PRMT8: variants seen among roughly 807,000 people sequenced by gnomAD.
The protein encoded by PRMT8 is protein arginine N-methyltransferase 8.
In PRMT8, 7 loss-of-function variants were observed where a neutral mutation model predicts 47.1. That is an observed-to-expected ratio of 0.15 (90% CI 0.08 to 0.28). PRMT8 has a LOEUF of 0.28. PRMT8 is among the 10% of genes least tolerant of loss of function. The pLI is 1.00. For synonymous variants in PRMT8, 188 were observed against 186.5 expected, an observed-to-expected ratio of 1.01 and a Z score of -0.07; for missense variants, 237 against 505.4, an observed-to-expected ratio of 0.47 and a Z score of 5.09.
Position 3,538,846 on chromosome 12 carries a change from C to T in PRMT8, c.76-1760C>T. On this transcript the variant is annotated intron_variant, in intron 1 of 9. Transcript: ENST00000382622. This position sits in a 1 kb window ranked among gnomAD's most constrained non-coding sequence, Gnocchi z 4.6. ...AGGCAGCCCCACTCGCCTTTGCCAGCCCGCCCGGGATCTCACCGACGTGAA... is the reference window on the plus strand; with the variant it reads ...AGGCAGCCCCACTCGCCTTTGCCAGTCCGCCCGGGATCTCACCGACGTGAA... 1 of 463,256 alleles carries T rather than the reference C, an allele frequency of 2.2e-6. No individual in the cohort carries two copies. Among genetic ancestry groups the T allele is most frequent in the South Asian group, 1.6e-5 (1 of 63,688 alleles). 28.7% of individuals were successfully genotyped at this position (463,256 alleles called of 1,614,324 possible).
upstream of PRMT8, among the ~76,000 whole-genome samples, chr12:3,489,883 C>A (rs1361503901): frequency 6.6e-6 from 1 of 151,888 alleles, no homozygotes; most frequent in Non-Finnish European, 1.5e-5. Context: ...ACATTTTCAT[C>A]CTTCTCATTC....
chr12:3,421,845 C>G (rs558754835), intron 1 of PRMT8, among the ~76,000 whole-genome samples: 1 of 152,218 alleles, frequency 6.6e-6, no homozygotes, highest in Admixed American at 6.5e-5. Context: ...CCATGAGCAA[C>G]GGGATGGAGG....
At chr12:3,403,117 A>G (rs899406038) in intron 1 of PRMT8, among the ~76,000 whole-genome samples, 5 of 152,240 alleles carry the variant, frequency 3.3e-5, no homozygotes, top group Admixed American at 6.5e-5. Context: ...CAGATACACC[A>G]TGGAATACTA....
intron 1 of PRMT8, among the ~76,000 whole-genome samples, chr12:3,527,972 C>T (rs1284772396): frequency 6.6e-6 from 1 of 152,076 alleles, no homozygotes; most frequent in East Asian, 1.9e-4. Flanking sequence ...ATGTTGCTAC[C>T]TTATCTTCTA....
At chr12:3,469,768 A>C (rs746997437) in intron 1 of PRMT8, among the ~76,000 whole-genome samples, 19 of 152,194 alleles carry the variant, frequency 1.2e-4, no homozygotes, top group Non-Finnish European at 2.6e-4. Context: ...AGGATCTGGC[A>C]AGTTCATAGC....
chr12:3,418,857 G>C (rs1028541624), intron 1 of PRMT8, among the ~76,000 whole-genome samples: 8 of 152,182 alleles, frequency 5.3e-5, no homozygotes, highest in Admixed American at 1.3e-4. Context: ...TGGGGAACAG[G>C]TGTGCAGAAA....
intron 1 of PRMT8, among the ~76,000 whole-genome samples, chr12:3,458,830 C>G (rs1865005147): frequency 6.6e-6 from 1 of 152,240 alleles, no homozygotes; most frequent in East Asian, 1.9e-4. Flanking sequence ...AGGGCTGTCA[C>G]TAAGCCCCTC....
intron 1 of PRMT8, among the ~76,000 whole-genome samples, chr12:3,536,411 C>G (rs1043196274): frequency 2.0e-5 from 3 of 152,202 alleles, no homozygotes; most frequent in Non-Finnish European, 4.4e-5. Flanking sequence ...ACGGCAGACA[C>G]TTCATAAGCT....
intron 1 of PRMT8, among the ~76,000 whole-genome samples, chr12:3,494,577 G>T (rs1282722798): frequency 6.6e-6 from 1 of 152,178 alleles, no homozygotes; most frequent in Non-Finnish European, 1.5e-5. Context: ...GAATACTTTG[G>T]AAGGGAGAGA....
At chr12:3,460,571 T>C (rs1042391265) in intron 1 of PRMT8, among the ~76,000 whole-genome samples, 2 of 152,182 alleles carry the variant, frequency 1.3e-5, no homozygotes, top group South Asian at 4.1e-4. Flanking sequence ...AATGGCAGAA[T>C]GGGATGTGGG....
chr12:3,469,891 G>A (rs967345693), intron 1 of PRMT8, among the ~76,000 whole-genome samples: 4 of 152,046 alleles, frequency 2.6e-5, no homozygotes, highest in Non-Finnish European at 2.9e-5. Flanking sequence ...GTGGGCTTCT[G>A]TCAGTGCCAC....
intron 2 of PRMT8, among the ~76,000 whole-genome samples, chr12:3,549,295 T>TA (rs1158746216): frequency 6.6e-6 from 1 of 151,534 alleles, no homozygotes; most frequent in African/African-American, 2.4e-5. Context: ...TGTTGATTTC[T>TA]AAAAAAAAAT....
intron 1 of PRMT8, among the ~76,000 whole-genome samples, chr12:3,391,470 G>A (rs1159364914): frequency 6.6e-6 from 1 of 152,258 alleles, no homozygotes; most frequent in Non-Finnish European, 1.5e-5. Flanking sequence ...ATCACTCTGT[G>A]TGTGGGACGA....
intron 2 of PRMT8, among the ~76,000 whole-genome samples, chr12:3,546,513 C>A (rs901041720): frequency 2.6e-5 from 4 of 152,168 alleles, no homozygotes; most frequent in African/African-American, 9.7e-5. Context: ...GACGATCACA[C>A]AGATACTCAA....
At chr12:3,435,506 T>C (rs1373421646) in intron 1 of PRMT8, among the ~76,000 whole-genome samples, 1 of 151,980 alleles carries the variant, frequency 6.6e-6, no homozygotes, top group Non-Finnish European at 1.5e-5. Context: ...GTCATGTTTT[T>C]TTTTTTCTTC....
intron 1 of PRMT8, among the ~76,000 whole-genome samples, chr12:3,431,324 C>T (rs1006371218): frequency 2.6e-5 from 4 of 151,898 alleles, no homozygotes; most frequent in African/African-American, 9.7e-5. Flanking sequence ...AGATCAGTAG[C>T]AGAGAGGGCA....
At chr12:3,411,945 C>T (rs1864435501) in intron 1 of PRMT8, among the ~76,000 whole-genome samples, 1 of 152,222 alleles carries the variant, frequency 6.6e-6, no homozygotes, top group Non-Finnish European at 1.5e-5. Flanking sequence ...TACAGTCAGC[C>T]CTCCCTAACC....
At chr12:3,545,809 CAA>C (rs200895026) in intron 2 of PRMT8, among the ~76,000 whole-genome samples, 2 of 151,668 alleles carry the variant, frequency 1.3e-5, no homozygotes, top group Non-Finnish European at 2.9e-5. Context: ...CACAAATGCA[CAA>C]AAAAAATCGG....
At chr12:3,425,352 A>T (rs938526824) in intron 1 of PRMT8, among the ~76,000 whole-genome samples, 3 of 152,260 alleles carry the variant, frequency 2.0e-5, no homozygotes, top group African/African-American at 7.2e-5. Context: ...GCCCTCAAAC[A>T]TGGGGGCCAA....
Sources: allele counts gnomAD v4.1 joint callset (sites outside exome capture counted in the v4.1 genomes callset), GRCh38; gene constraint gnomAD v4.1.1; non-coding constraint Gnocchi (gnomAD v3.1); transcripts MANE v1.5; gene names NCBI Gene and HGNC (gene_info 2026-07-23, HGNC 2026-07-21).